Variants in PPP1R12A observed in about 807,000 individuals in gnomAD.
The protein encoded by PPP1R12A is myosin binding subunit.
In PPP1R12A, 19 loss-of-function variants were observed where a neutral mutation model predicts 139.6. That is an observed-to-expected ratio of 0.14 (90% CI 0.09 to 0.20). The LOEUF is 0.20. Ranked by LOEUF, PPP1R12A falls within the 10% of genes least tolerant of loss-of-function variation. The pLI is 1.00. For missense variants in PPP1R12A, 925 were observed against 1,211.5 expected (o/e 0.76, Z 3.51); for synonymous variants, 427 against 420.6 (o/e 1.02, Z -0.19).
intron 24 of PPP1R12A, 36 bp downstream of exon 24, chr12:79,778,514 C>G (rs942685615): frequency 7.3e-7 from 1 of 1,364,270 alleles, no homozygotes; most frequent in Non-Finnish European, 1.0e-6. Context: ...AATACATAAA[C>G]AGCACTCTCT....
At chr12:79,903,643 A>C (rs1330514993) in intron 1 of PPP1R12A, among the ~76,000 whole-genome samples, 1 of 152,086 alleles carries the variant, frequency 6.6e-6, no homozygotes, top group Admixed American at 6.6e-5. Flanking sequence ...GATGAGGGAC[A>C]CTCAATCTGT....
intron 3 of PPP1R12A, among the ~76,000 whole-genome samples, chr12:79,835,575 C>G (rs769548817): frequency 1.2e-4 from 18 of 152,158 alleles, no homozygotes; most frequent in Non-Finnish European, 2.2e-4. Context: ...CTACTGCTAC[C>G]AGCCCTTAAC....
At chr12:79,846,135 CACT>C (rs1400635085) in intron 2 of PPP1R12A, among the ~76,000 whole-genome samples, 3 of 119,186 alleles carry the variant, frequency 2.5e-5, no homozygotes, top group Non-Finnish European at 4.5e-5. Flanking sequence ...TTAAACCCAC[CACT>C]AGGTCTTTTT....
Position 79,833,846 on chromosome 12 carries a change from G to GAAAAAAAAAAA in PPP1R12A, c.488-1366_488-1356dup, listed in dbSNP as rs371589074. Among the ~76,000 whole-genome samples the GAAAAAAAAAAA allele has an allele frequency of 2.6e-5, 3 of 116,736 alleles. 1 individual carries two copies. Among genetic ancestry groups the GAAAAAAAAAAA allele is most frequent in the Non-Finnish European group, 5.0e-5 (3 of 60,582 alleles). The allele number at this position is 116,736 out of a possible 152,430, so 76.6% of individuals were successfully genotyped here. ...AGTGAGACTTTGCCTCAAAGAAAAG[G>GAAAAAAAAAAA]AAAAAAAAAAAAAAAAAGCAAAGTA... On this transcript the variant is annotated intron_variant, in intron 3 of 24. Transcript: ENST00000450142.
intron 1 of PPP1R12A, among the ~76,000 whole-genome samples, chr12:79,919,094 C>G (rs1272875053): frequency 6.6e-6 from 1 of 151,826 alleles, no homozygotes; most frequent in Non-Finnish European, 1.5e-5. Flanking sequence ...CCAGACAGAG[C>G]AAGACTCTTG....
chr12:79,830,117 A>G (rs1366776177), intron 4 of PPP1R12A, among the ~76,000 whole-genome samples: 2 of 152,152 alleles, frequency 1.3e-5, no homozygotes, highest in African/African-American at 4.8e-5. Context: ...AAAAAAAAGA[A>G]TGAAAGGATA....
chr12:79,886,337 G>T (rs1247173352), intron 1 of PPP1R12A, among the ~76,000 whole-genome samples: 1 of 152,118 alleles, frequency 6.6e-6, no homozygotes, highest in Non-Finnish European at 1.5e-5. Flanking sequence ...ATTTTAGGAG[G>T]CCGTCTATAT....
intron 1 of PPP1R12A, among the ~76,000 whole-genome samples, chr12:79,901,887 TC>T (rs910598998): frequency 2.0e-5 from 3 of 152,138 alleles, no homozygotes; most frequent in African/African-American, 7.2e-5. Context: ...TTTCCCTGTT[TC>T]CCTTTTACAA....
chr12:79,794,899 A>C (rs763650054), intron 18 of PPP1R12A, among the ~76,000 whole-genome samples: 8 of 152,128 alleles, frequency 5.3e-5, no homozygotes, highest in Non-Finnish European at 1.0e-4. Context: ...GCTCTTCAAA[A>C]ACAGGCATAG....
At chr12:79,837,666 T>C (rs569161020) in intron 3 of PPP1R12A, among the ~76,000 whole-genome samples, 1 of 152,348 alleles carries the variant, frequency 6.6e-6, no homozygotes, top group African/African-American at 2.4e-5. Flanking sequence ...CCCATGCTAC[T>C]GTTCTTGTGA....
At chr12:79,908,181 C>T (rs1044141036) in intron 1 of PPP1R12A, among the ~76,000 whole-genome samples, 1 of 152,152 alleles carries the variant, frequency 6.6e-6, no homozygotes, top group African/African-American at 2.4e-5. Flanking sequence ...ACAGTGTCTT[C>T]CACAGTAATT....
At chr12:79,868,381 A>G (rs1050836778) in intron 2 of PPP1R12A, among the ~76,000 whole-genome samples, 12 of 152,206 alleles carry the variant, frequency 7.9e-5, no homozygotes, top group South Asian at 4.1e-4. Context: ...AAGGAAGAGT[A>G]TGCCTTGATG....
intron 1 of PPP1R12A, among the ~76,000 whole-genome samples, chr12:79,924,144 C>A (rs1161354108): frequency 1.3e-5 from 2 of 151,960 alleles, no homozygotes; most frequent in Admixed American, 1.3e-4. Flanking sequence ...TCATGTATAT[C>A]AAAAAATAAT....
At chr12:79,879,516 T>C (rs1883432527) in intron 1 of PPP1R12A, among the ~76,000 whole-genome samples, 4 of 152,102 alleles carry the variant, frequency 2.6e-5, no homozygotes, top group African/African-American at 9.7e-5. Flanking sequence ...CCTATTCACA[T>C]AACAGAATCC....
intron 5 of PPP1R12A, among the ~76,000 whole-genome samples, chr12:79,827,384 G>T (rs867384901): frequency 1.3e-5 from 2 of 152,196 alleles, no homozygotes; most frequent in South Asian, 4.2e-4. Context: ...AAAAGAATTA[G>T]CCCTGTTTTG....
At chr12:79,784,128 T>C (rs1870811613) in intron 22 of PPP1R12A, among the ~76,000 whole-genome samples, 1 of 152,250 alleles carries the variant, frequency 6.6e-6, no homozygotes, top group Admixed American at 6.5e-5. Context: ...CAAATATTTG[T>C]GTATTTGTGA....
chr12:79,906,553 T>C (rs1050416335), intron 1 of PPP1R12A, among the ~76,000 whole-genome samples: 10 of 152,158 alleles, frequency 6.6e-5, no homozygotes, highest in African/African-American at 2.2e-4. Flanking sequence ...AAAAAGCAGC[T>C]TGCTTTAAAT....
At chr12:79,928,975 G>A (rs1170974711) in intron 1 of PPP1R12A, among the ~76,000 whole-genome samples, 3 of 152,168 alleles carry the variant, frequency 2.0e-5, no homozygotes, top group African/African-American at 4.8e-5. Context: ...CATAGAACAT[G>A]GAACTAATTC....
intron 14 of PPP1R12A, among the ~76,000 whole-genome samples, chr12:79,804,473 G>GAAAAAAAAGTTAACACTAACTTATT (rs1165800520): frequency 6.6e-6 from 1 of 151,286 alleles, no homozygotes; most frequent in Non-Finnish European, 1.5e-5. Flanking sequence ...TGCAATGATA[G>GAAAAAAAAGTTAACACTAACTTATT]AAAAAAAAGT....
Sources: allele counts gnomAD v4.1 joint callset (sites outside exome capture counted in the v4.1 genomes callset), GRCh38; gene constraint gnomAD v4.1.1; transcripts MANE v1.5; gene names NCBI Gene and HGNC (gene_info 2026-07-23, HGNC 2026-07-21).